DHX9: variants seen among roughly 807,000 people sequenced by gnomAD.
The protein encoded by DHX9 is DExH-box helicase 9, also known as ATP-dependent RNA helicase A.
In DHX9, 27 loss-of-function variants were observed where a neutral mutation model predicts 148.7. The observed-to-expected ratio is 0.18, with a 90% CI of 0.13 to 0.25. The LOEUF (loss-of-function observed/expected upper bound fraction) is 0.25. Ranked by LOEUF, DHX9 falls within the 10% of genes least tolerant of loss-of-function variation. The pLI, the probability that DHX9 is intolerant of heterozygous loss-of-function variation, is 1.00. For synonymous variants in DHX9, 529 were observed against 516.6 expected (o/e 1.02, Z -0.33); for missense variants, 796 against 1,559.6 (o/e 0.51, Z 8.25).
chr1:182,849,742 T>C (rs1668097375), intron 3 of DHX9, among the ~76,000 whole-genome samples: 1 of 152,216 alleles, frequency 6.6e-6, no homozygotes. Context: ...CAAACATCTT[T>C]TGGGCTTTAA....
rs1204913146 is a variant in DHX9, at chr1:182,853,343, T to C, written c.402T>C (p.Val134=). 2 of 1,614,058 alleles carry C rather than the reference T, an allele frequency of 1.2e-6. No individual in the cohort carries two copies. The highest frequency in any genetic ancestry group is 1.6e-4 in the Middle Eastern group (1 of 6,062). Residue 134 remains valine, a synonymous_variant, in exon 5 of 28, where the codon GTT becomes GTC. Coordinates refer to ENST00000367549, the MANE Select transcript of DHX9 (RefSeq NM_001357.5). ...NSEVGASGYG[V]PGPTWDRGAN... ...AGGTAGGGGCCTCTGGCTATGGTGT[T>C]CCTGGGCCCACCTGGGACCGAGGAG...
Position 182,874,953 on chromosome 1 carries a change from A to T in DHX9, c.1814A>T (p.Asp605Val). 1 of 1,609,482 alleles carries T rather than the reference A, an allele frequency of 6.2e-7. No individual in the cohort carries two copies. Among genetic ancestry groups the T allele is most frequent in the Non-Finnish European group, 8.5e-7 (1 of 1,176,066 alleles). Residue 605 changes from aspartate (D) to valine (V), a missense_variant and splice_region_variant, in exon 16 of 28, where the codon GAT (aspartate) becomes GTT (valine). Around this residue, in one of 14 missense-constraint regions of DHX9, gnomAD observed 133 missense variants for 223.8 expected, o/e 0.59. Transcript: ENST00000367549. ...GATGATGATGGTGGTGAGGATGATG[A>T]TGTAAGTGAATTTCATGAAGAATTT... ...DKDDDGGEDD[D>V]ANCNLICGDE... is the part of the protein sequence containing the mutation.
chr1:182,855,588 T>C, intron 6 of DHX9: 1 of 984,190 alleles, frequency 1.0e-6, no homozygotes, highest in Non-Finnish European at 1.2e-6. Flanking sequence ...TGGAGGAGAA[T>C]GAGATTGAGT....
At chr1:182,840,297 GC>G (rs1247878408) in intron 1 of DHX9, among the ~76,000 whole-genome samples, 1 of 135,222 alleles carries the variant, frequency 7.4e-6, no homozygotes, top group Admixed American at 7.2e-5. Flanking sequence ...GAATTCTTGC[GC>G]CTTTTTTTTT....
At chr1:182,865,110 G>T (rs994210797) in intron 12 of DHX9, among the ~76,000 whole-genome samples, 1 of 152,198 alleles carries the variant, frequency 6.6e-6, no homozygotes. Context: ...GAAGACAGTA[G>T]TAGAAAAGGG....
rs780632145 is a variant in DHX9, at chr1:182,876,029, A to G, written c.1816-21A>G. The stretch of plus-strand genomic sequence containing the variant: ...TGAGTAACTGAGACAATCCAAAAAT[A>G]TGTCTCCCTGTTTTTTACAGGCAAA... On this transcript the variant is annotated intron_variant, in intron 16 of 27. Transcript: ENST00000367549. The G allele has an allele frequency of 4.3e-5, 69 of 1,600,830 alleles. 1 individual carries two copies. The Middle Eastern group carries it at 6.6e-4, about 15-fold the overall frequency.
At chr1:182,880,353 A>G (rs894305635) in intron 21 of DHX9, 144 bp from the exon 22 acceptor site, 34 of 532,736 alleles carry the variant, frequency 6.4e-5, no homozygotes, top group Non-Finnish European at 1.0e-4. Context: ...AGTACAGAGA[A>G]TTGTTGGCCG....
chr1:182,840,160 A>C (rs1448517467), intron 1 of DHX9, among the ~76,000 whole-genome samples: 1 of 152,056 alleles, frequency 6.6e-6, no homozygotes, highest in Non-Finnish European at 1.5e-5. Flanking sequence ...ACAATATTTC[A>C]CTAGCCCGGG....
At chr1:182,839,755 C>CTA (rs1667882809) in intron 1 of DHX9, 2 of 152,312 alleles carry the variant, frequency 1.3e-5, no homozygotes, top group African/African-American at 4.8e-5. Flanking sequence ...TACGCCGGGG[C>CTA]ACCGCGGCGG....
intron 14 of DHX9, among the ~76,000 whole-genome samples, chr1:182,869,789 G>T (rs1648482249): frequency 6.6e-6 from 1 of 152,184 alleles, no homozygotes; most frequent in Non-Finnish European, 1.5e-5. Flanking sequence ...AGTAGAGACA[G>T]GGTTTCACCA....
chr1:182,875,071 T>G lies in DHX9; in HGVS notation c.1815+117T>G, dbSNP rs887979342. Reference sequence around the variant, plus strand: ...ACAGCAAACTTTCTTAAAAACTGACTGTAATGTCTGCCTTTGGATTAATTG... The same window carrying G: ...ACAGCAAACTTTCTTAAAAACTGACGGTAATGTCTGCCTTTGGATTAATTG... On this transcript the variant is annotated intron_variant, in intron 16 of 27. Coordinates refer to ENST00000367549, the MANE Select transcript of DHX9 (RefSeq NM_001357.5). 1.7e-5 allele frequency: 14 copies of G among 826,944 alleles called. No homozygotes were observed. In the African/African-American group the frequency reaches 2.2e-4, roughly 13 times the overall value. 51.2% of individuals were successfully genotyped at this position (826,944 alleles called of 1,614,324 possible). A position where few individuals can be genotyped will look rare whatever the true frequency, so the allele number is the denominator to read the frequency against.
chr1:182,876,067 C>G lies in DHX9; in HGVS notation c.1833C>G (p.Ile611Met). 6.2e-7 allele frequency: 1 copy of G among 1,613,692 alleles called. No individual in the cohort carries two copies. The highest frequency in any genetic ancestry group is 8.5e-7 in the Non-Finnish European group (1 of 1,179,784). Residue 611 changes from isoleucine (I) to methionine (M), a missense_variant, in exon 17 of 28, where the codon ATC becomes ATG. By Grantham distance (10) the Ile-to-Met change is conservative. This residue lies in a region of DHX9 where 133 missense variants were observed against 223.8 expected (regional missense o/e 0.59). Transcript: ENST00000367549. ...TTTTACAGGCAAATTGCAACTTGAT[C>G]TGTGGTGATGAATATGGTCCAGAAA... ...GEDDDANCNLICGDEYGPETR... is the reference protein window; with the variant it reads ...GEDDDANCNLMCGDEYGPETR...
chr1:182,840,299 CTTTTTT>C (rs572795237), intron 1 of DHX9, among the ~76,000 whole-genome samples: 3 of 105,552 alleles, frequency 2.8e-5, no homozygotes, highest in Admixed American at 1.0e-4. Context: ...ATTCTTGCGC[CTTTTTT>C]TTTTTTTTTT....
At chr1:182,861,974 T>A (rs1668370977) in intron 12 of DHX9, among the ~76,000 whole-genome samples, 1 of 152,224 alleles carries the variant, frequency 6.6e-6, no homozygotes. Flanking sequence ...ACACTCAAAT[T>A]CATCAGCACC....
At chr1:182,884,956 A>C (rs2102623124) in intron 27 of DHX9, 143 bp downstream of exon 27, 1 of 738,140 alleles carries the variant, frequency 1.4e-6, no homozygotes, top group Non-Finnish European at 2.2e-6. Flanking sequence ...AGAGAGTTTG[A>C]TGTTCTGAGT....
Position 182,853,534 on chromosome 1 carries a change from T to G in DHX9, c.477+116T>G, listed in dbSNP as rs1363847686. 4 of 684,524 alleles carry G rather than the reference T, an allele frequency of 5.8e-6. No homozygotes were observed. The African/African-American group carries it at 7.3e-5, about 13-fold the overall frequency. The allele number at this position is 684,524 out of a possible 1,614,324, so 42.4% of individuals were successfully genotyped here. A position where few individuals can be genotyped will look rare whatever the true frequency, so the allele number is the denominator to read the frequency against. Reference sequence around the variant, plus strand: ...TAATTGGGTGCATCTTTTAAGAGGTTATTTGAGACTACTTATTAGCACAAG... The same window carrying G: ...TAATTGGGTGCATCTTTTAAGAGGTGATTTGAGACTACTTATTAGCACAAG... On this transcript the variant is annotated intron_variant, in intron 5 of 27. Transcript: ENST00000367549.
chr1:182,866,938 T>C (rs1194364183), intron 13 of DHX9, 23 bp from the exon 14 acceptor site: 1 of 1,586,076 alleles, frequency 6.3e-7, no homozygotes, highest in Non-Finnish European at 8.6e-7. Context: ...TTCTATAGTT[T>C]ATTGATTGTT....
At chr1:182,858,971 A>G in intron 10 of DHX9, 69 bp from the exon 11 acceptor site, 4 of 1,610,208 alleles carry the variant, frequency 2.5e-6, no homozygotes, top group Non-Finnish European at 3.4e-6. Context: ...ATGTCTAGGT[A>G]AAAAATGGAT....
At chr1:182,875,930 A>G in intron 16 of DHX9, 120 bp from the exon 17 acceptor site, 1 of 745,266 alleles carries the variant, frequency 1.3e-6, no homozygotes, top group Non-Finnish European at 2.2e-6. Context: ...ATAGTGTGTG[A>G]CTAGTCAACT....
Sources: allele counts gnomAD v4.1 joint callset (sites outside exome capture counted in the v4.1 genomes callset), GRCh38; gene constraint gnomAD v4.1.1; regional missense constraint gnomAD v4.1.1; transcripts MANE v1.5; gene names NCBI Gene and HGNC (gene_info 2026-07-23, HGNC 2026-07-21).